ULK4: variants seen among roughly 807,000 people sequenced by gnomAD.
ULK4 encodes the protein unc-51 like kinase 4.
In ULK4, 133 loss-of-function variants were observed where a neutral mutation model predicts 160.6. The observed-to-expected ratio is 0.83, with a 90% CI of 0.72 to 0.96. The LOEUF (loss-of-function observed/expected upper bound fraction) is 0.96. ULK4 is among the 40% of genes least tolerant of loss of function. ULK4 has a pLI of 0.00. For synonymous variants in ULK4, 534 were observed against 539.8 expected (o/e 0.99, Z 0.15); for missense variants, 1,580 against 1,499.5 (o/e 1.05, Z -0.89).
chr3:41,354,320 G>A (rs1051611727), intron 35 of ULK4, among the ~76,000 whole-genome samples: 2 of 152,156 alleles, frequency 1.3e-5, no homozygotes, highest in African/African-American at 4.8e-5. Context: ...TGAGACCATG[G>A]AGTCCAATCT....
intron 27 of ULK4, among the ~76,000 whole-genome samples, chr3:41,685,723 G>A (rs191223380): frequency 8.5e-5 from 13 of 152,126 alleles, no homozygotes; most frequent in Non-Finnish European, 2.9e-5. Flanking sequence ...TTATCAATTC[G>A]TATGTTTTGA....
At chr3:41,429,064 A>C (rs1297080252) in intron 34 of ULK4, among the ~76,000 whole-genome samples, 1 of 152,144 alleles carries the variant, frequency 6.6e-6, no homozygotes, top group Non-Finnish European at 1.5e-5. Context: ...CAAGAAAAAA[A>C]AAACCTCATT....
intron 31 of ULK4, among the ~76,000 whole-genome samples, chr3:41,610,009 C>T (rs2032590966): frequency 6.7e-6 from 1 of 148,578 alleles, no homozygotes; most frequent in Non-Finnish European, 1.5e-5. Context: ...CAATACAATT[C>T]AAATAATTTT....
At chr3:41,505,620 T>A (rs1012346296) in intron 32 of ULK4, among the ~76,000 whole-genome samples, 1 of 152,164 alleles carries the variant, frequency 6.6e-6, no homozygotes, top group African/African-American at 2.4e-5. Flanking sequence ...ACCAGGTCAA[T>A]TTTTTTATAT....
At chr3:41,802,527 T>C (rs1232002473) in intron 19 of ULK4, among the ~76,000 whole-genome samples, 1 of 152,074 alleles carries the variant, frequency 6.6e-6, no homozygotes, top group Non-Finnish European at 1.5e-5. Flanking sequence ...TCGAACTCCT[T>C]GTCCCAAGGA....
chr3:41,528,085 G>A (rs1057278716), intron 32 of ULK4, among the ~76,000 whole-genome samples: 1 of 152,280 alleles, frequency 6.6e-6, no homozygotes, highest in African/African-American at 2.4e-5. Context: ...ATTCCATGTA[G>A]CCAATGGAAT....
At chr3:41,911,685 T>TC (rs1559645195) in intron 9 of ULK4, 26 bp from the exon 10 acceptor site, 2 of 1,553,742 alleles carry the variant, frequency 1.3e-6, no homozygotes, top group Non-Finnish European at 1.8e-6. Flanking sequence ...ACCAACACAA[T>TC]CAAACTTACT....
intron 30 of ULK4, among the ~76,000 whole-genome samples, chr3:41,652,645 C>G (rs1477799404): frequency 6.6e-6 from 1 of 152,146 alleles, no homozygotes; most frequent in African/African-American, 2.4e-5. Flanking sequence ...TAGTGAAAAG[C>G]AGAAAGAGGT....
intron 35 of ULK4, among the ~76,000 whole-genome samples, chr3:41,296,770 G>T (rs901694380): frequency 6.6e-6 from 1 of 152,050 alleles, no homozygotes; most frequent in Non-Finnish European, 1.5e-5. Context: ...GCAGACTGCA[G>T]AAGGCCTTGA....
chr3:41,576,196 A>C (rs2088183802), intron 31 of ULK4, among the ~76,000 whole-genome samples: 1 of 152,230 alleles, frequency 6.6e-6, no homozygotes, highest in Non-Finnish European at 1.5e-5. Context: ...TAGCAATAAA[A>C]ATAGCAATAA....
At position 41,817,171 on chromosome 3, in the gene ULK4, A is replaced by T. The variant is rs539416294; in HGVS notation, c.1848+2252T>A. ...ATGAACTATAGTTTACACAATCAGC[A>T]TGTAAACTAATCTAGCTTTAAAAGC... On this transcript the variant is annotated intron_variant, in intron 19 of 36. Transcript: ENST00000301831. Among the ~76,000 whole-genome samples, 12 of 152,328 alleles carry T rather than the reference A, an allele frequency of 7.9e-5. No homozygotes were observed. The East Asian group carries it at 2.3e-3, about 29-fold the overall frequency.
chr3:41,488,055 T>G (rs1400018408), intron 32 of ULK4, among the ~76,000 whole-genome samples: 1 of 152,100 alleles, frequency 6.6e-6, no homozygotes, highest in Non-Finnish European at 1.5e-5. Context: ...AACAATGAGA[T>G]TGGAAACCAT....
rs189883277 is a variant in ULK4, at chr3:41,949,139, T to A, written c.138+5483A>T. ...CTGGCCAACATGGTGAAACCCCGTC[T>A]CTACTAAAAATACAAAAAAATTAGC... On this transcript the variant is annotated intron_variant, in intron 2 of 36. Coordinates refer to ENST00000301831, the MANE Select transcript of ULK4 (RefSeq NM_017886.4). 8.0e-4 allele frequency among the ~76,000 whole-genome samples: 122 copies of A among 151,756 alleles called. 1 individual carries two copies. The Middle Eastern group carries it at 0.014, about 17-fold the overall frequency.
At chr3:41,475,028 A>G (rs1013364783) in intron 32 of ULK4, among the ~76,000 whole-genome samples, 1 of 152,172 alleles carries the variant, frequency 6.6e-6, no homozygotes, top group African/African-American at 2.4e-5. Flanking sequence ...CATTGAAGAG[A>G]TATCTGCACT....
At chr3:41,658,733 A>ACACACACACACACACACACACTGT (rs1553628719) in intron 30 of ULK4, among the ~76,000 whole-genome samples, 17 of 131,652 alleles carry the variant, frequency 1.3e-4, no homozygotes, top group African/African-American at 3.3e-4. Flanking sequence ...AACAGTACAC[A>ACACACACACACACACACACACTGT]CACACACACA....
At chr3:41,931,684 G>T in intron 5 of ULK4, 160 bp downstream of exon 5, 1 of 871,372 alleles carries the variant, frequency 1.1e-6, no homozygotes. Context: ...TTAGGCCATG[G>T]ACAAAGCCAT....
In ULK4 at chr3:41,470,205, G is replaced by T. The variant is rs191265670; in HGVS notation, c.3227-6952C>A. On this transcript the variant is annotated intron_variant, in intron 32 of 36. Coordinates refer to ENST00000301831, the MANE Select transcript of ULK4 (RefSeq NM_017886.4). ...CAAATTATGAAAAATCAAAGATGAA[G>T]AAAATATGCTAATATGCTGACAGCA... 7.2e-5 allele frequency among the ~76,000 whole-genome samples: 11 copies of T among 152,130 alleles called. No homozygotes were observed. In the East Asian group the frequency reaches 1.9e-3, roughly 27 times the overall value.
At chr3:41,642,540 C>A (rs191618398) in intron 30 of ULK4, among the ~76,000 whole-genome samples, 1 of 152,034 alleles carries the variant, frequency 6.6e-6, no homozygotes, top group African/African-American at 2.4e-5. Context: ...TATGGCTGCA[C>A]AGTATTCCAT....
intron 34 of ULK4, among the ~76,000 whole-genome samples, chr3:41,436,874 A>G (rs1249885080): frequency 6.6e-6 from 1 of 152,068 alleles, no homozygotes; most frequent in Non-Finnish European, 1.5e-5. Flanking sequence ...AATATTTATG[A>G]AAAAAAACTC....
Sources: allele counts gnomAD v4.1 joint callset (sites outside exome capture counted in the v4.1 genomes callset), GRCh38; gene constraint gnomAD v4.1.1; transcripts MANE v1.5; gene names NCBI Gene and HGNC (gene_info 2026-07-23, HGNC 2026-07-21).